NALF1: variants seen among roughly 807,000 people sequenced by gnomAD.
The protein encoded by NALF1 is NALCN channel auxiliary factor 1, also known as family with sequence similarity 155 member A.
Under a neutral mutation model 48.4 loss-of-function variants are expected in NALF1, and 3 were observed. The ratio of observed to expected loss-of-function variants is 0.06; its 90% CI spans 0.03 to 0.16. The LOEUF is 0.16. NALF1 is among the 10% of genes least tolerant of loss of function. The pLI, the probability that NALF1 is intolerant of heterozygous loss-of-function variation, is 1.00. For missense variants in NALF1, 526 were observed against 571.5 expected (o/e 0.92, Z 0.81); for synonymous variants, 262 against 245.7 (o/e 1.07, Z -0.62).
intron 1 of NALF1, among the ~76,000 whole-genome samples, chr13:107,350,907 A>G (rs1230262715): frequency 6.6e-6 from 1 of 152,200 alleles, no homozygotes; most frequent in Non-Finnish European, 1.5e-5. Context: ...CTGTGGTTTG[A>G]GAATCACACT....
At chr13:107,718,442 A>G (rs1276450895) in intron 1 of NALF1, among the ~76,000 whole-genome samples, 1 of 152,168 alleles carries the variant, frequency 6.6e-6, no homozygotes, top group African/African-American at 2.4e-5. Context: ...TACCACACCT[A>G]TGATTATCCT....
At chr13:107,385,712 T>C (rs549984103) in intron 1 of NALF1, among the ~76,000 whole-genome samples, 5 of 152,354 alleles carry the variant, frequency 3.3e-5, no homozygotes, top group Non-Finnish European at 5.9e-5. Flanking sequence ...GATTCTGTTT[T>C]GTTCAATAGT....
chr13:107,287,717 T>C (rs1390385510), intron 1 of NALF1, among the ~76,000 whole-genome samples: 8 of 149,374 alleles, frequency 5.4e-5, no homozygotes, highest in African/African-American at 1.5e-4. Flanking sequence ...TTTTTTTTTT[T>C]TTTTTTGAGA....
At chr13:107,461,731 T>C (rs1884921786) in intron 1 of NALF1, among the ~76,000 whole-genome samples, 1 of 152,218 alleles carries the variant, frequency 6.6e-6, no homozygotes, top group African/African-American at 2.4e-5. Flanking sequence ...TTTACAGATA[T>C]TGTAATTGTA....
At chr13:107,685,750 A>G (rs938461660) in intron 1 of NALF1, among the ~76,000 whole-genome samples, 67 of 152,376 alleles carry the variant, frequency 4.4e-4, no homozygotes, top group Non-Finnish European at 7.3e-4. Context: ...GAGCAGCAAC[A>G]TGGAAGGAAA....
At chr13:107,231,803 A>G (rs1453628202) in intron 1 of NALF1, among the ~76,000 whole-genome samples, 1 of 152,256 alleles carries the variant, frequency 6.6e-6, no homozygotes, top group Non-Finnish European at 1.5e-5. Context: ...GGGAAGGAGA[A>G]CTGAAAATGC....
chr13:107,673,990 T>C (rs1274055377), intron 1 of NALF1, among the ~76,000 whole-genome samples: 2 of 152,082 alleles, frequency 1.3e-5, no homozygotes, highest in Non-Finnish European at 2.9e-5. Context: ...AGCTATTAAG[T>C]GTTCTCCAAA....
chr13:107,680,703 A>G (rs1388062476), intron 1 of NALF1, among the ~76,000 whole-genome samples: 1 of 151,176 alleles, frequency 6.6e-6, no homozygotes, highest in Non-Finnish European at 1.5e-5. Flanking sequence ...TGTGTCCATG[A>G]GAAAGGGTGG....
intron 1 of NALF1, among the ~76,000 whole-genome samples, chr13:107,309,403 G>C (rs1380987991): frequency 6.6e-6 from 1 of 152,216 alleles, no homozygotes; most frequent in Non-Finnish European, 1.5e-5. Context: ...CTAAATGCCA[G>C]AGGGTGATCA....
chr13:107,367,344 G>C (rs975119951), intron 1 of NALF1, among the ~76,000 whole-genome samples: 3 of 152,166 alleles, frequency 2.0e-5, no homozygotes, highest in African/African-American at 7.2e-5. Context: ...GGCAATTACT[G>C]AGTATGTGCA....
At chr13:107,293,821 C>T (rs994683663) in intron 1 of NALF1, among the ~76,000 whole-genome samples, 1 of 152,148 alleles carries the variant, frequency 6.6e-6, no homozygotes, top group East Asian at 1.9e-4. Flanking sequence ...AAACCAAAAC[C>T]AAACCAGAAA....
Position 107,169,481 on chromosome 13 carries a change from A to G in NALF1, c.*1016T>C, listed in dbSNP as rs2138760946. On this transcript the variant is annotated 3_prime_UTR_variant, in exon 3 of 3. Coordinates refer to ENST00000375915, the MANE Select transcript of NALF1 (RefSeq NM_001080396.3). ...GCTCCTATATTACTGCAACAGAACA[A>G]AAATCACAATGAAAGCCCACCTTCA... 1 of 152,270 alleles carries G rather than the reference A, an allele frequency of 6.6e-6. No individual in the cohort carries two copies. The highest frequency in any genetic ancestry group is 2.1e-4 in the South Asian group (1 of 4,820). 9.4% of individuals were successfully genotyped at this position (152,270 alleles called of 1,614,324 possible). A position where few individuals can be genotyped will look rare whatever the true frequency, so the allele number is the denominator to read the frequency against.
chr13:107,524,578 A>G (rs1876364682), intron 1 of NALF1, among the ~76,000 whole-genome samples: 1 of 152,052 alleles, frequency 6.6e-6, no homozygotes, highest in South Asian at 2.1e-4. Flanking sequence ...AGATGGGATG[A>G]TTTTTAAAGC....
At chr13:107,768,412 T>A (rs1836441725) in intron 1 of NALF1, among the ~76,000 whole-genome samples, 1 of 152,220 alleles carries the variant, frequency 6.6e-6, no homozygotes, top group African/African-American at 2.4e-5. Flanking sequence ...GAAATAATAT[T>A]TGAAAATATT....
intron 1 of NALF1, among the ~76,000 whole-genome samples, chr13:107,228,283 CA>C (rs1373066566): frequency 6.6e-6 from 1 of 152,176 alleles, no homozygotes; most frequent in Non-Finnish European, 1.5e-5. Context: ...CAGTCTAATT[CA>C]GTGAAATCAG....
chr13:107,533,610 A>C (rs770557464), intron 1 of NALF1, among the ~76,000 whole-genome samples: 7 of 152,178 alleles, frequency 4.6e-5, no homozygotes, highest in African/African-American at 1.7e-4. Flanking sequence ...AAACAAATGA[A>C]GATATTCTTT....
intron 1 of NALF1, among the ~76,000 whole-genome samples, chr13:107,410,571 C>T (rs192998957): frequency 4.1e-4 from 62 of 152,166 alleles, no homozygotes; most frequent in African/African-American, 1.4e-3. Context: ...TGTGCATGCA[C>T]ACACACACAT....
At chr13:107,633,676 T>C (rs551550802) in intron 1 of NALF1, among the ~76,000 whole-genome samples, 95 of 150,542 alleles carry the variant, frequency 6.3e-4, no homozygotes, top group African/African-American at 1.9e-3. Context: ...TTTTTAACTT[T>C]ATTATACATT....
At chr13:107,851,558 T>C (rs938377317) in intron 1 of NALF1, among the ~76,000 whole-genome samples, 1 of 152,182 alleles carries the variant, frequency 6.6e-6, no homozygotes, top group African/African-American at 2.4e-5. Context: ...TACTATTTTG[T>C]AATTATCTGA....
Sources: allele counts gnomAD v4.1 joint callset (sites outside exome capture counted in the v4.1 genomes callset), GRCh38; gene constraint gnomAD v4.1.1; transcripts MANE v1.5; gene names NCBI Gene and HGNC (gene_info 2026-07-23, HGNC 2026-07-21).